SLC35F3: variants seen among roughly 807,000 people sequenced by gnomAD.
The protein encoded by SLC35F3 is solute carrier family 35 member F3, also known as putative thiamine transporter SLC35F3.
Under a neutral mutation model 49.9 loss-of-function variants are expected in SLC35F3, and 25 were observed. The observed-to-expected ratio is 0.50, with a 90% CI of 0.37 to 0.70. The LOEUF (loss-of-function observed/expected upper bound fraction) is 0.70, where lower values mean the gene tolerates loss of function less well. Ranked by LOEUF, SLC35F3 falls within the 30% of genes least tolerant of loss-of-function variation. The probability of loss-of-function intolerance (pLI) is 0.00; values close to 1 mark genes in which losing one functional copy is unlikely to be tolerated. For missense variants in SLC35F3, 525 were observed against 639.8 expected (o/e 0.82, Z 1.94); for synonymous variants, 275 against 265.4 (o/e 1.04, Z -0.35).
chr1:233,935,189 CTTT>C lies in SLC35F3; in HGVS notation c.283+29457_283+29459del, dbSNP rs35418747. Among the ~76,000 whole-genome samples the C allele has an allele frequency of 3.0e-3, 149 of 50,270 alleles. 1 individual carries two copies. Among genetic ancestry groups the C allele is most frequent in the African/African-American group, 0.013 (145 of 11,372 alleles). The allele number at this position is 50,270 out of a possible 152,430, so 33.0% of individuals were successfully genotyped here. A position where few individuals can be genotyped will look rare whatever the true frequency, so the allele number is the denominator to read the frequency against. ...CACAATGAGCTGGGTTTTCCTTGCCCTTTTTTTTTTTTTTTTTTTTTTTTTTTT... is the reference window on the plus strand; with the variant it reads ...CACAATGAGCTGGGTTTTCCTTGCCCTTTTTTTTTTTTTTTTTTTTTTTTT... On this transcript the variant is annotated intron_variant, in intron 2 of 7. Transcript: ENST00000366618.
intron 2 of SLC35F3, among the ~76,000 whole-genome samples, chr1:234,204,672 CT>C (rs1666945900): frequency 6.6e-6 from 1 of 152,226 alleles, no homozygotes; most frequent in Non-Finnish European, 1.5e-5. Flanking sequence ...CCTCCAAACC[CT>C]GCCGGGAACT....
At chr1:234,278,508 A>G (rs2102979435) in intron 3 of SLC35F3, among the ~76,000 whole-genome samples, 1 of 147,210 alleles carries the variant, frequency 6.8e-6, no homozygotes, top group South Asian at 2.2e-4. Context: ...AAAAAAAACG[A>G]AAAAAAAAGA....
Position 234,084,031 on chromosome 1 carries a change from G to C in SLC35F3, c.284-147386G>C, listed in dbSNP as rs1310083872. Among the ~76,000 whole-genome samples the C allele has an allele frequency of 2.0e-5, 3 of 151,958 alleles. No individual in the cohort carries two copies. In the East Asian group the frequency reaches 5.8e-4, roughly 29 times the overall value. ...TTTTTGTATTCTTAGTAGAGATGGG[G>C]TTTCTCCATGTTGGTCAGGCTGGTC... On this transcript the variant is annotated intron_variant, in intron 2 of 7. Coordinates refer to ENST00000366618, the MANE Select transcript of SLC35F3 (RefSeq NM_173508.4).
At chr1:234,273,534 A>T (rs2102976310) in intron 3 of SLC35F3, among the ~76,000 whole-genome samples, 1 of 152,382 alleles carries the variant, frequency 6.6e-6, no homozygotes, top group South Asian at 2.1e-4. Flanking sequence ...ATCACAAAAT[A>T]ATACTCCATC....
At chr1:234,086,111 T>C (rs1490658025) in intron 2 of SLC35F3, among the ~76,000 whole-genome samples, 2 of 152,254 alleles carry the variant, frequency 1.3e-5, no homozygotes, top group African/African-American at 2.4e-5. Flanking sequence ...ATTGAAGAAA[T>C]GAGTGAATGA....
chr1:234,094,275 T>C (rs1665086600), intron 2 of SLC35F3, among the ~76,000 whole-genome samples: 1 of 152,238 alleles, frequency 6.6e-6, no homozygotes, highest in African/African-American at 2.4e-5. Flanking sequence ...CCTCTGTTTC[T>C]GGAGGGAGAC....
At chr1:233,970,359 A>T (rs1425175577) in intron 2 of SLC35F3, among the ~76,000 whole-genome samples, 1 of 152,252 alleles carries the variant, frequency 6.6e-6, no homozygotes, top group Non-Finnish European at 1.5e-5. Context: ...AGGATGGATC[A>T]GACCTCGAGT....
chr1:233,917,015 C>T (rs191627581), intron 2 of SLC35F3, among the ~76,000 whole-genome samples: 25 of 152,268 alleles, frequency 1.6e-4, no homozygotes, highest in Admixed American at 7.2e-4. Context: ...CTCTAAAACA[C>T]GGCAAATGTA....
intron 3 of SLC35F3, among the ~76,000 whole-genome samples, chr1:234,298,786 C>T (rs1203419029): frequency 2.0e-5 from 3 of 152,178 alleles, no homozygotes; most frequent in Non-Finnish European, 4.4e-5. Context: ...AATTCGCTGA[C>T]AGAGTAAATC....
chr1:234,297,743 CAAAA>C (rs57703297), intron 3 of SLC35F3, among the ~76,000 whole-genome samples: 43,134 of 124,420 alleles, frequency 0.35, 6,494 homozygotes, highest in East Asian at 0.61. Flanking sequence ...TACCCTGTCT[CAAAA>C]AAAAAAAAAA....
intron 2 of SLC35F3, among the ~76,000 whole-genome samples, chr1:233,998,147 T>C (rs1472103035): frequency 2.0e-5 from 3 of 152,134 alleles, no homozygotes; most frequent in African/African-American, 7.2e-5. Context: ...TTCTGCGTGT[T>C]TAAATTCTAA....
At chr1:234,141,338 C>T (rs1377489979) in intron 2 of SLC35F3, among the ~76,000 whole-genome samples, 1 of 152,132 alleles carries the variant, frequency 6.6e-6, no homozygotes, top group African/African-American at 2.4e-5. Flanking sequence ...CTAGACCCTG[C>T]CCCTCACAGG....
chr1:234,289,379 C>G (rs553628776), intron 3 of SLC35F3, among the ~76,000 whole-genome samples: 2 of 152,262 alleles, frequency 1.3e-5, no homozygotes, highest in East Asian at 3.9e-4. Context: ...AACTTCCCAC[C>G]GGGCTACTAG....
At chr1:233,927,067 A>G (rs1284705200) in intron 2 of SLC35F3, among the ~76,000 whole-genome samples, 1 of 152,198 alleles carries the variant, frequency 6.6e-6, no homozygotes, top group East Asian at 1.9e-4. Context: ...AGGTTCCTGC[A>G]CATCTTTTCT....
intron 3 of SLC35F3, among the ~76,000 whole-genome samples, chr1:234,290,233 C>T (rs1312299943): frequency 5.9e-5 from 9 of 151,992 alleles, no homozygotes; most frequent in Non-Finnish European, 1.2e-4. Context: ...TGATAAGAAG[C>T]TGTAACATTT....
At chr1:233,933,219 T>TTATGAAAGAAGC (rs1253302085) in intron 2 of SLC35F3, among the ~76,000 whole-genome samples, 1 of 152,200 alleles carries the variant, frequency 6.6e-6, no homozygotes, top group Non-Finnish European at 1.5e-5. Flanking sequence ...TTGCAAGTTT[T>TTATGAAAGAAGC]TATGAAAGAA....
intron 3 of SLC35F3, among the ~76,000 whole-genome samples, chr1:234,287,770 TG>T (rs1262381045): frequency 6.6e-6 from 1 of 152,248 alleles, no homozygotes; most frequent in Non-Finnish European, 1.5e-5. Context: ...TGCTTGAGGA[TG>T]TAAGACTTAA....
chr1:234,195,791 C>T lies in SLC35F3; in HGVS notation c.284-35626C>T, dbSNP rs532082301. 2.0e-5 allele frequency among the ~76,000 whole-genome samples: 3 copies of T among 152,228 alleles called. 1 individual carries two copies. In the South Asian group the frequency reaches 6.2e-4, roughly 32 times the overall value. On this transcript the variant is annotated intron_variant, in intron 2 of 7. Transcript: ENST00000366618. Reference sequence around the variant, plus strand: ...GGAACCCAGTGGGAGACAACTGAATCATGGGGGCGGTTTCCCCCATACTGT... The same window carrying T: ...GGAACCCAGTGGGAGACAACTGAATTATGGGGGCGGTTTCCCCCATACTGT...
intron 2 of SLC35F3, among the ~76,000 whole-genome samples, chr1:234,102,244 C>A (rs1449262593): frequency 6.6e-6 from 1 of 152,162 alleles, no homozygotes; most frequent in Non-Finnish European, 1.5e-5. Context: ...GTTTTAAATC[C>A]AGATCTGCCA....
Sources: allele counts gnomAD v4.1 joint callset (sites outside exome capture counted in the v4.1 genomes callset), GRCh38; gene constraint gnomAD v4.1.1; transcripts MANE v1.5; gene names NCBI Gene and HGNC (gene_info 2026-07-23, HGNC 2026-07-21).